DENND11: variants seen among roughly 807,000 people sequenced by gnomAD.
DENND11 encodes the protein DENN domain containing 11.
Under a neutral mutation model 49.2 loss-of-function variants are expected in DENND11, and 34 were observed. The ratio of observed to expected loss-of-function variants is 0.69; its 90% CI spans 0.53 to 0.92. The LOEUF (loss-of-function observed/expected upper bound fraction) is 0.92. Among genes scored for constraint, DENND11 ranks in the 40% least tolerant of loss-of-function variants. The probability of loss-of-function intolerance (pLI) is 0.00; values close to 1 mark genes in which losing one functional copy is unlikely to be tolerated. For synonymous variants in DENND11, 238 were observed against 230.3 expected, an observed-to-expected ratio of 1.03 and a Z score of -0.30; for missense variants, 475 against 581.6, an observed-to-expected ratio of 0.82 and a Z score of 1.88.
At chr7:141,701,654 C>T in intron 1 of DENND11, 1 of 268,496 alleles carries the variant, frequency 3.7e-6, no homozygotes, top group Non-Finnish European at 6.9e-6. Context: ...GAACAAAGCC[C>T]TCGGGGCCGC....
chr7:141,663,050 C>A, intron 8 of DENND11, 199 bp from the exon 9 acceptor site: 1 of 466,012 alleles, frequency 2.1e-6, no homozygotes. Context: ...AACCATTTGG[C>A]ATTAATTATG....
intron 4 of DENND11, among the ~76,000 whole-genome samples, chr7:141,670,290 A>G (rs1408276532): frequency 5.9e-5 from 9 of 152,056 alleles, no homozygotes; most frequent in Admixed American, 2.0e-4. Context: ...GTGTGTCTCT[A>G]TCTAGACAGA....
At chr7:141,665,107 C>T in intron 6 of DENND11, 53 bp from the exon 7 acceptor site, 1 of 1,609,632 alleles carries the variant, frequency 6.2e-7, no homozygotes, top group South Asian at 1.1e-5. Context: ...CACTGGGAAA[C>T]AAGGCGCCCA....
At chr7:141,673,490 TA>T (rs2117060087) in intron 4 of DENND11, among the ~76,000 whole-genome samples, 1 of 152,298 alleles carries the variant, frequency 6.6e-6, no homozygotes, top group South Asian at 2.1e-4. Context: ...ACTCTTGGCA[TA>T]ATTTCTCTAC....
chr7:141,685,044 A>G (rs1798215538), intron 3 of DENND11, among the ~76,000 whole-genome samples: 1 of 134,708 alleles, frequency 7.4e-6, no homozygotes, highest in Non-Finnish European at 1.7e-5. Context: ...ATATATATAT[A>G]TATATATATA....
Position 141,665,189 on chromosome 7 carries a change from G to A in DENND11, c.950C>T (p.Ala317Val), listed in dbSNP as rs1390776928. ...ESLEVEVSYV[A>V]CTTEKIFEEK... The stretch of plus-strand genomic sequence containing the variant: ...TGAGGGGAGGGCCCCGTACTCACAG[G>A]CCACATAGGACACCTCTACCTCCAG... The change falls in exon 6 of 9, where the codon GCC becomes GTC. Residue 317 changes from alanine (A) to valine (V), a missense_variant and splice_region_variant. Ala to Val is a moderately conservative substitution (Grantham distance 64). Coordinates refer to ENST00000536163, the MANE Select transcript of DENND11 (RefSeq NM_001080392.2). The A allele has an allele frequency of 1.9e-6, 3 of 1,612,868 alleles. No individual in the cohort carries two copies. The highest frequency in any genetic ancestry group is 2.5e-6 in the Non-Finnish European group (3 of 1,179,486).
chr7:141,688,868 G>A (rs966049857), intron 1 of DENND11, among the ~76,000 whole-genome samples: 2 of 152,286 alleles, frequency 1.3e-5, no homozygotes, highest in Non-Finnish European at 2.9e-5. Flanking sequence ...CTGTATACAC[G>A]CTCCTAACGC....
intron 3 of DENND11, among the ~76,000 whole-genome samples, chr7:141,678,928 A>G (rs2117065708): frequency 6.6e-6 from 1 of 152,344 alleles, no homozygotes; most frequent in African/African-American, 2.4e-5. Context: ...AAATTATGAA[A>G]TAGTTCTCCA....
intron 1 of DENND11, among the ~76,000 whole-genome samples, chr7:141,701,116 C>G (rs921298872): frequency 3.9e-5 from 6 of 152,116 alleles, no homozygotes; most frequent in Admixed American, 2.6e-4. Flanking sequence ...TGGACTCTCA[C>G]CTGGAAAACG....
rs542243069 is a variant in DENND11, at chr7:141,683,606, G to A, written c.527+1872C>T. Among the ~76,000 whole-genome samples the A allele has an allele frequency of 3.9e-5, 6 of 152,284 alleles. No homozygotes were observed. In the South Asian group the frequency reaches 1.2e-3, roughly 32 times the overall value. On this transcript the variant is annotated intron_variant, in intron 3 of 8. Transcript: ENST00000536163. ...TGCAGTGAGCCAAGATCACACCACTGCCCTCCAGCCTGGGCGACAGAGTGA... is the reference window on the plus strand; with the variant it reads ...TGCAGTGAGCCAAGATCACACCACTACCCTCCAGCCTGGGCGACAGAGTGA...
chr7:141,694,380 C>T (rs1798377089), intron 1 of DENND11, among the ~76,000 whole-genome samples: 1 of 152,044 alleles, frequency 6.6e-6, no homozygotes, highest in South Asian at 2.1e-4. Context: ...CCCATCTCAA[C>T]CTCCCAAACA....
intron 7 of DENND11, 129 bp downstream of exon 7, chr7:141,664,775 T>A: frequency 8.9e-7 from 1 of 1,118,530 alleles, no homozygotes; most frequent in Admixed American, 2.7e-5. Flanking sequence ...TCCATCTCCA[T>A]CCCAGGCAGC....
intron 1 of DENND11, among the ~76,000 whole-genome samples, chr7:141,687,178 T>C (rs1798256112): frequency 6.6e-6 from 1 of 152,196 alleles, no homozygotes; most frequent in Non-Finnish European, 1.5e-5. Flanking sequence ...GATAGAATAC[T>C]ATTTTAGTGC....
At chr7:141,664,807 T>A in intron 7 of DENND11, 97 bp downstream of exon 7, 2 of 1,327,458 alleles carry the variant, frequency 1.5e-6, no homozygotes, top group Non-Finnish European at 2.0e-6. Flanking sequence ...GAGAAATGTG[T>A]CAGGGAAGGG....
At chr7:141,698,341 A>G (rs1584729142) in intron 1 of DENND11, among the ~76,000 whole-genome samples, 2 of 152,234 alleles carry the variant, frequency 1.3e-5, no homozygotes, top group South Asian at 4.1e-4. Context: ...GCTCTAAATC[A>G]TGGGGTTGAA....
Position 141,701,932 on chromosome 7 carries a change from C to T in DENND11, c.222G>A (p.Glu74=), listed in dbSNP as rs1435236077. 1.1e-5 allele frequency: 13 copies of T among 1,208,608 alleles called. No individual in the cohort carries two copies. The highest frequency in any genetic ancestry group is 3.8e-5 in the South Asian group (1 of 26,636). The allele number at this position is 1,208,608 out of a possible 1,614,324, so 74.9% of individuals were successfully genotyped here. A position where few individuals can be genotyped will look rare whatever the true frequency, so the allele number is the denominator to read the frequency against. ...CCACGAACACGGCCACCACCTGGTC[C>T]TCCTCCACGTCGCCCAGCTCCAGGC... ...PGRLELGDVE[E]DQVVAVFVVT... is the part of the protein sequence containing the mutation. The change falls in exon 1 of 9, where the codon GAG becomes GAA. Residue 74 remains glutamate (E), a synonymous_variant. Transcript: ENST00000536163.
chr7:141,685,418 G>A, intron 3 of DENND11, 60 bp downstream of exon 3: 1 of 1,589,024 alleles, frequency 6.3e-7, no homozygotes, highest in Non-Finnish European at 8.6e-7. Context: ...GAGGGCTCGT[G>A]CCATATGCAC....
At chr7:141,686,343 G>A (rs757093424) in intron 2 of DENND11, among the ~76,000 whole-genome samples, 1 of 152,152 alleles carries the variant, frequency 6.6e-6, no homozygotes, top group Non-Finnish European at 1.5e-5. Context: ...CTACAGGCAG[G>A]GATTCTTAAG....
intron 1 of DENND11, among the ~76,000 whole-genome samples, chr7:141,687,631 A>ACTTTTTTTTT (rs1554410465): frequency 4.4e-5 from 5 of 112,800 alleles, no homozygotes; most frequent in African/African-American, 1.3e-4. Flanking sequence ...CACTCGGCTA[A>ACTTTTTTTTT]TTTTTTTTTT....
Sources: allele counts gnomAD v4.1 joint callset (sites outside exome capture counted in the v4.1 genomes callset), GRCh38; gene constraint gnomAD v4.1.1; transcripts MANE v1.5; gene names NCBI Gene and HGNC (gene_info 2026-07-23, HGNC 2026-07-21).